The following SMAD9 variants were observed in gnomAD, a reference collection of about 807,000 sequenced individuals.
SMAD9 encodes SMAD family member 9, also known as MAD homolog 9.
SMAD9 carries 36 observed loss-of-function variants against 46.1 expected under a neutral mutation model. The ratio of observed to expected loss-of-function variants is 0.78; its 90% confidence interval spans 0.60 to 1.03. SMAD9 has a LOEUF of 1.03. Ranked by LOEUF, SMAD9 falls within the 50% of genes least tolerant of loss-of-function variation. The pLI, the probability that SMAD9 is intolerant of heterozygous loss-of-function variation, is 0.00. For missense variants in SMAD9, 572 were observed against 599.8 expected, an observed-to-expected ratio of 0.95 and a Z score of 0.48; for synonymous variants, 245 against 237.1, an observed-to-expected ratio of 1.03 and a Z score of -0.31.
At chr13:36,917,635 G>C (rs962731592) in intron 1 of SMAD9, among the ~76,000 whole-genome samples, 9 of 152,156 alleles carry the variant, frequency 5.9e-5, no homozygotes, top group Admixed American at 3.9e-4. Context: ...ATTTAGCATA[G>C]TATGTCTGGC....
chr13:36,873,129 C>T (rs2058312749), intron 2 of SMAD9, among the ~76,000 whole-genome samples: 1 of 152,158 alleles, frequency 6.6e-6, no homozygotes, highest in African/African-American at 2.4e-5. Flanking sequence ...GCTAAGGTAA[C>T]AGTCTTCTCC....
At chr13:36,889,972 G>A (rs2058476675) in intron 1 of SMAD9, among the ~76,000 whole-genome samples, 1 of 150,022 alleles carries the variant, frequency 6.7e-6, no homozygotes, top group African/African-American at 2.5e-5. Context: ...AAGATTATTT[G>A]TCTTATGAAA....
Position 36,879,745 on chromosome 13 carries a change from A to G in SMAD9, c.-56T>C. 6.2e-7 allele frequency: 1 copy of G among 1,603,566 alleles called. No individual in the cohort carries two copies. Reference sequence around the variant, plus strand: ...GGAACCGCACAGCCCTTCACGGCAAAGTGGGCGGCGAGTAGCTCTCCAGGG... The same window carrying G: ...GGAACCGCACAGCCCTTCACGGCAAGGTGGGCGGCGAGTAGCTCTCCAGGG... On this transcript the variant is annotated 5_prime_UTR_variant, in exon 2 of 7. Transcript: ENST00000379826.
intron 1 of SMAD9, among the ~76,000 whole-genome samples, chr13:36,918,831 T>C (rs897720971): frequency 6.6e-6 from 1 of 152,244 alleles, no homozygotes; most frequent in East Asian, 1.9e-4. Flanking sequence ...GACATGCTTG[T>C]AGTAGTCACA....
At chr13:36,912,557 G>A (rs71439712) in intron 1 of SMAD9, among the ~76,000 whole-genome samples, 1 of 152,232 alleles carries the variant, frequency 6.6e-6, no homozygotes, top group South Asian at 2.1e-4. Flanking sequence ...GTTGGGTGGG[G>A]TTTCCTATAG....
intron 4 of SMAD9, 25 bp downstream of exon 4, chr13:36,867,248 A>T (rs1207567209): frequency 1.4e-6 from 2 of 1,405,002 alleles, no homozygotes; most frequent in Admixed American, 3.9e-5. Flanking sequence ...AAATAGCTAC[A>T]TTTCACTGTT....
At chr13:36,871,088 G>A (rs1414843812) in intron 3 of SMAD9, among the ~76,000 whole-genome samples, 2 of 152,176 alleles carry the variant, frequency 1.3e-5, no homozygotes, top group African/African-American at 4.8e-5. Flanking sequence ...CAGATAAGGG[G>A]GGACAACTAC....
At position 36,879,270 on chromosome 13, in the gene SMAD9, C is replaced by T. The variant is rs1423083866; in HGVS notation, c.412+8G>A. The T allele has an allele frequency of 2.5e-6, 4 of 1,613,458 alleles. No individual in the cohort carries two copies. Among genetic ancestry groups the T allele is most frequent in the Admixed American group, 1.7e-5 (1 of 60,020 alleles). ...AAAATAAACCTTGACGTCGTAAAGA[C>T]GACCCACCTGGAGTCTCCACCCGGC... On this transcript the variant is annotated splice_region_variant and intron_variant, in intron 2 of 6. Coordinates refer to ENST00000379826, the MANE Select transcript of SMAD9 (RefSeq NM_001127217.3).
intron 1 of SMAD9, among the ~76,000 whole-genome samples, chr13:36,881,445 T>C (rs2058401995): frequency 6.6e-6 from 1 of 152,242 alleles, no homozygotes; most frequent in Non-Finnish European, 1.5e-5. Context: ...TTCTATAAAC[T>C]TCTTTCGAAC....
At chr13:36,908,711 G>A (rs749569891) in intron 1 of SMAD9, among the ~76,000 whole-genome samples, 4 of 151,994 alleles carry the variant, frequency 2.6e-5, no homozygotes, top group Non-Finnish European at 5.9e-5. Flanking sequence ...TGATAAAATA[G>A]TCAAAAGGAA....
chr13:36,881,494 C>T (rs1345291556), intron 1 of SMAD9, among the ~76,000 whole-genome samples: 1 of 152,190 alleles, frequency 6.6e-6, no homozygotes, highest in Non-Finnish European at 1.5e-5. Flanking sequence ...TGATCATTAT[C>T]GGGCACCTCA....
Position 36,848,158 on chromosome 13 carries a change from G to A in SMAD9, c.*518C>T, listed in dbSNP as rs1227826164. On this transcript the variant is annotated 3_prime_UTR_variant, in exon 7 of 7. Coordinates refer to ENST00000379826, the MANE Select transcript of SMAD9 (RefSeq NM_001127217.3). ...CAACCTTAGAAATAAAGTTTCTATG[G>A]CCTATCTCATTAATTCATTGTACAA... 2 of 156,454 alleles carry A rather than the reference G, an allele frequency of 1.3e-5. No homozygotes were observed. Among genetic ancestry groups the A allele is most frequent in the African/African-American group, 4.8e-5 (2 of 41,340 alleles). The allele number at this position is 156,454 out of a possible 1,614,324, so 9.7% of individuals were successfully genotyped here.
intron 1 of SMAD9, among the ~76,000 whole-genome samples, chr13:36,913,842 T>C (rs975156076): frequency 8.5e-5 from 13 of 152,258 alleles, no homozygotes; most frequent in African/African-American, 3.1e-4. Context: ...TAAAATCTTT[T>C]TAGCTTAACA....
intron 1 of SMAD9, among the ~76,000 whole-genome samples, chr13:36,895,871 G>C (rs1160371523): frequency 6.6e-6 from 1 of 152,102 alleles, no homozygotes; most frequent in East Asian, 1.9e-4. Context: ...GAAATAAATA[G>C]TATTTTCCAA....
intron 1 of SMAD9, among the ~76,000 whole-genome samples, chr13:36,888,427 G>A (rs73533687): frequency 0.027 from 4,046 of 152,238 alleles, 178 homozygotes; most frequent in African/African-American, 0.092. Context: ...ATGTGAAACT[G>A]GAAGTCAATT....
chr13:36,894,176 TC>T (rs1328880709), intron 1 of SMAD9, among the ~76,000 whole-genome samples: 1 of 152,182 alleles, frequency 6.6e-6, no homozygotes, highest in Admixed American at 6.5e-5. Context: ...TTTGGCTGCA[TC>T]CCCACCCAAA....
At chr13:36,851,501 G>A (rs1470868616) in intron 6 of SMAD9, 1 of 152,574 alleles carries the variant, frequency 6.6e-6, no homozygotes, top group Non-Finnish European at 1.5e-5. Context: ...TGTTTTGGCT[G>A]TTGTTTATTA....
chr13:36,851,620 T>C (rs1319669178), intron 6 of SMAD9: 2 of 448,996 alleles, frequency 4.5e-6, no homozygotes, highest in Non-Finnish European at 5.9e-6. Flanking sequence ...CAATAAACAT[T>C]TGTTGACTGA....
rs561123886 is a variant in SMAD9, at chr13:36,845,353, T to A, written c.*3323A>T. On this transcript the variant is annotated 3_prime_UTR_variant, in exon 7 of 7. Transcript: ENST00000379826. ...AAAACAAAACATAAGGTATATGTGT[T>A]AAGTAGTGACATCTTTATAGTTCCA... The A allele has an allele frequency of 8.4e-4, 128 of 152,344 alleles. No homozygotes were observed. Among genetic ancestry groups the A allele is most frequent in the African/African-American group, 3.0e-3 (125 of 41,588 alleles). The allele number at this position is 152,344 out of a possible 1,614,324, so 9.4% of individuals were successfully genotyped here. A position where few individuals can be genotyped will look rare whatever the true frequency, so the allele number is the denominator to read the frequency against.
Sources: allele counts gnomAD v4.1 joint callset (sites outside exome capture counted in the v4.1 genomes callset), GRCh38; gene constraint gnomAD v4.1.1; transcripts MANE v1.5; gene names NCBI Gene and HGNC (gene_info 2026-07-23, HGNC 2026-07-21).